ELMO1: variants seen among roughly 807,000 people sequenced by gnomAD.
The protein encoded by ELMO1 is engulfment and cell motility protein 1.
ELMO1 carries 26 observed loss-of-function variants against 98.9 expected under a neutral mutation model. That is an observed-to-expected ratio of 0.26 (90% CI 0.19 to 0.36). The LOEUF is 0.36. Among genes scored for constraint, ELMO1 ranks in the 10% least tolerant of loss-of-function variants. ELMO1 has a pLI of 1.00. For missense variants in ELMO1, 627 were observed against 935.2 expected, an observed-to-expected ratio of 0.67 and a Z score of 4.30; for synonymous variants, 346 against 346.0, an observed-to-expected ratio of 1.00 and a Z score of 0.00.
At chr7:37,164,922 C>G (rs1258793267) in intron 13 of ELMO1, among the ~76,000 whole-genome samples, 2 of 151,592 alleles carry the variant, frequency 1.3e-5, no homozygotes, top group Admixed American at 1.3e-4. Context: ...TATAAATTAC[C>G]TTGGGCAGTA....
intron 15 of ELMO1, among the ~76,000 whole-genome samples, chr7:37,065,940 GAGA>G (rs1796937890): frequency 6.6e-6 from 1 of 152,188 alleles, no homozygotes; most frequent in Non-Finnish European, 1.5e-5. Flanking sequence ...GGGCCAGGTG[GAGA>G]TAACTGAATC....
chr7:36,989,738 TC>T (rs1295821863), intron 16 of ELMO1, among the ~76,000 whole-genome samples: 3 of 152,172 alleles, frequency 2.0e-5, no homozygotes, highest in Non-Finnish European at 2.9e-5. Context: ...TTGGTAGTTA[TC>T]CTACTAGGGA....
At chr7:37,428,264 CTGAG>C (rs1486321612) in intron 1 of ELMO1, among the ~76,000 whole-genome samples, 2 of 151,694 alleles carry the variant, frequency 1.3e-5, no homozygotes, top group Non-Finnish European at 2.9e-5. Flanking sequence ...AAAAAAAAAA[CTGAG>C]TGATCACTTT....
intron 16 of ELMO1, chr7:36,984,810 G>C (rs1490184537): frequency 1.3e-6 from 1 of 771,956 alleles, no homozygotes; most frequent in African/African-American, 1.9e-5. Flanking sequence ...AAAGTAACAT[G>C]ATGAATCCTC....
intron 16 of ELMO1, among the ~76,000 whole-genome samples, chr7:36,948,104 G>T (rs767575321): frequency 1.1e-4 from 17 of 152,170 alleles, no homozygotes; most frequent in Non-Finnish European, 2.4e-4. Flanking sequence ...GAATAGATAA[G>T]TGGTGAAAAA....
intron 16 of ELMO1, among the ~76,000 whole-genome samples, chr7:36,987,869 T>C (rs1317443581): frequency 3.9e-5 from 6 of 152,118 alleles, no homozygotes; most frequent in Non-Finnish European, 5.9e-5. Flanking sequence ...GCGATTCTCC[T>C]GCCTCAGCCT....
intron 15 of ELMO1, among the ~76,000 whole-genome samples, chr7:37,014,532 T>C (rs1261243433): frequency 2.0e-5 from 3 of 152,090 alleles, no homozygotes; most frequent in Non-Finnish European, 4.4e-5. Context: ...GCTGGATGAC[T>C]TTCAGGCTTT....
chr7:37,192,797 C>CAAA (rs35594398), intron 13 of ELMO1, among the ~76,000 whole-genome samples: 17 of 111,440 alleles, frequency 1.5e-4, no homozygotes, highest in African/African-American at 3.8e-4. Flanking sequence ...GACTCTGTCT[C>CAAA]AAAAAAAAAA....
intron 15 of ELMO1, among the ~76,000 whole-genome samples, chr7:37,071,788 A>T (rs578169535): frequency 6.6e-6 from 1 of 152,206 alleles, no homozygotes; most frequent in Non-Finnish European, 1.5e-5. Context: ...GATTAAAATA[A>T]GAAAAATTCC....
intron 13 of ELMO1, chr7:37,204,119 T>C (rs187151329): frequency 2.4e-5 from 11 of 456,426 alleles, no homozygotes; most frequent in East Asian, 7.0e-5. Context: ...CATTTGGCAA[T>C]AGGCATTAGT....
intron 1 of ELMO1, among the ~76,000 whole-genome samples, chr7:37,391,672 G>T (rs1239410369): frequency 6.6e-6 from 1 of 152,230 alleles, no homozygotes; most frequent in Admixed American, 6.5e-5. Context: ...AGAGACCCCA[G>T]TTGGGGGCCG....
intron 16 of ELMO1, among the ~76,000 whole-genome samples, chr7:36,931,822 G>A (rs1786070085): frequency 6.6e-6 from 1 of 152,156 alleles, no homozygotes; most frequent in African/African-American, 2.4e-5. Flanking sequence ...TCCACGAAAG[G>A]GAGAATGGTA....
chr7:36,899,583 C>A (rs1223761491), intron 16 of ELMO1, among the ~76,000 whole-genome samples: 2 of 151,774 alleles, frequency 1.3e-5, no homozygotes, highest in East Asian at 3.9e-4. Flanking sequence ...CCTTTAGAAC[C>A]CAACACGTGA....
chr7:37,356,980 G>A (rs1801523034), intron 1 of ELMO1, among the ~76,000 whole-genome samples: 1 of 151,932 alleles, frequency 6.6e-6, no homozygotes, highest in African/African-American at 2.4e-5. Flanking sequence ...CTTTCCAGAG[G>A]AGTCCTGCCC....
chr7:37,169,439 C>T (rs570087775), intron 13 of ELMO1, among the ~76,000 whole-genome samples: 14 of 152,288 alleles, frequency 9.2e-5, no homozygotes, highest in Admixed American at 6.5e-4. Flanking sequence ...GCGTCGCTCA[C>T]GCTGGGAGCT....
intron 16 of ELMO1, among the ~76,000 whole-genome samples, chr7:36,921,232 T>G (rs1785129557): frequency 6.6e-6 from 1 of 152,162 alleles, no homozygotes; most frequent in Non-Finnish European, 1.5e-5. Context: ...GTAGCCTGAA[T>G]GGACCAACAC....
At position 37,239,455 on chromosome 7, in the gene ELMO1, G is replaced by A. The variant is rs568250603; in HGVS notation, c.449+4901C>T. 7.6e-4 allele frequency among the ~76,000 whole-genome samples: 115 copies of A among 152,198 alleles called. 2 individuals carry two copies. The highest frequency in any genetic ancestry group is 2.1e-4 in the South Asian group (1 of 4,816). On this transcript the variant is annotated intron_variant, in intron 7 of 21. Coordinates refer to ENST00000310758, the MANE Select transcript of ELMO1 (RefSeq NM_014800.11). Reference sequence around the variant, plus strand: ...GCTGGGATTACAGGCGTGAGCCACCGCGCCCAGCCAATTTCAATTTTTTTA... The same window carrying A: ...GCTGGGATTACAGGCGTGAGCCACCACGCCCAGCCAATTTCAATTTTTTTA...
chr7:37,338,792 C>T (rs570328000), intron 2 of ELMO1, among the ~76,000 whole-genome samples: 2 of 152,248 alleles, frequency 1.3e-5, no homozygotes, highest in East Asian at 3.9e-4. Context: ...ATTGTGAAGG[C>T]GAGAGCAGGA....
chr7:37,232,786 G>C (rs932054448), intron 8 of ELMO1, among the ~76,000 whole-genome samples: 1 of 152,190 alleles, frequency 6.6e-6, no homozygotes, highest in Non-Finnish European at 1.5e-5. Flanking sequence ...TAGGAACTCT[G>C]TTTAGGTCTT....
Sources: allele counts gnomAD v4.1 joint callset (sites outside exome capture counted in the v4.1 genomes callset), GRCh38; gene constraint gnomAD v4.1.1; transcripts MANE v1.5; gene names NCBI Gene and HGNC (gene_info 2026-07-23, HGNC 2026-07-21).